RUNX2: variants seen among roughly 807,000 people sequenced by gnomAD.
RUNX2 encodes the protein RUNX family transcription factor 2.
A neutral mutation model predicts 51.7 loss-of-function variants in RUNX2; 10 were observed. The ratio of observed to expected loss-of-function variants is 0.19; its 90% CI spans 0.12 to 0.33. RUNX2 has a LOEUF of 0.33. Ranked by LOEUF, RUNX2 falls within the 10% of genes least tolerant of loss-of-function variation. The pLI, the probability that RUNX2 is intolerant of heterozygous loss-of-function variation, is 1.00. For missense variants in RUNX2, 562 were observed against 691.3 expected (o/e 0.81, Z 2.10); for synonymous variants, 276 against 273.6 (o/e 1.01, Z -0.09).
intron 2 of RUNX2, among the ~76,000 whole-genome samples, chr6:45,419,916 G>A (rs1798143274): frequency 6.6e-6 from 1 of 152,132 alleles, no homozygotes; most frequent in Admixed American, 6.5e-5. Flanking sequence ...CGGCGGCTGT[G>A]GGGCGGGAGG....
chr6:45,501,956 A>T (rs1800811010), intron 6 of RUNX2, among the ~76,000 whole-genome samples: 1 of 152,216 alleles, frequency 6.6e-6, no homozygotes, highest in South Asian at 2.1e-4. Flanking sequence ...TGTAAAACCT[A>T]GTGTATTTTG....
In RUNX2 at chr6:45,547,612, A is replaced by G. The variant is rs935840260; in HGVS notation, c.*307A>G. On this transcript the variant is annotated 3_prime_UTR_variant, in exon 9 of 9. Coordinates refer to ENST00000647337, the MANE Select transcript of RUNX2 (RefSeq NM_001024630.4). ...TTTTGTTTTTGTTGTTTGGTCTGTTATCATCAATAACCTGTTCATATGCCA... is the reference window on the plus strand; with the variant it reads ...TTTTGTTTTTGTTGTTTGGTCTGTTGTCATCAATAACCTGTTCATATGCCA... 2.5e-6 allele frequency: 1 copy of G among 404,772 alleles called. No individual in the cohort carries two copies. The highest frequency in any genetic ancestry group is 4.6e-6 in the Non-Finnish European group (1 of 215,580). The allele number at this position is 404,772 out of a possible 1,614,324, so 25.1% of individuals were successfully genotyped here.
chr6:45,380,103 G>A (rs1280958011), intron 2 of RUNX2, among the ~76,000 whole-genome samples: 1 of 152,174 alleles, frequency 6.6e-6, no homozygotes, highest in Admixed American at 6.5e-5. Context: ...CTCATAGTTT[G>A]AGACCATTGC....
At chr6:45,366,771 C>T (rs1372657888) in intron 2 of RUNX2, among the ~76,000 whole-genome samples, 1 of 152,158 alleles carries the variant, frequency 6.6e-6, no homozygotes, top group East Asian at 1.9e-4. Context: ...CCTTTGACTC[C>T]TTCTCCTGCA....
intron 2 of RUNX2, among the ~76,000 whole-genome samples, chr6:45,372,684 GGT>G (rs1163369246): frequency 6.6e-6 from 1 of 151,920 alleles, no homozygotes; most frequent in African/African-American, 2.4e-5. Flanking sequence ...TTTGAGACAG[GGT>G]CTCTCTCTGT....
chr6:45,534,051 C>T (rs901028811), intron 7 of RUNX2, among the ~76,000 whole-genome samples: 4 of 151,908 alleles, frequency 2.6e-5, no homozygotes, highest in African/African-American at 7.3e-5. Flanking sequence ...CCCGCCATCA[C>T]GCCTGGCTAA....
At chr6:45,414,754 C>CTTTTTGTTTTTTTTTTT (rs1798026585) in intron 2 of RUNX2, among the ~76,000 whole-genome samples, 1 of 33,424 alleles carries the variant, frequency 3.0e-5, no homozygotes, top group Admixed American at 6.3e-4. Flanking sequence ...CAGATCCTGG[C>CTTTTTGTTTTTTTTTTT]TTTTTTTTTT....
intron 2 of RUNX2, among the ~76,000 whole-genome samples, chr6:45,355,379 TA>T (rs1456034055): frequency 2.6e-5 from 4 of 152,060 alleles, no homozygotes; most frequent in South Asian, 2.1e-4. Flanking sequence ...TGAGGAAGTA[TA>T]AAAAATACTT....
intron 7 of RUNX2, among the ~76,000 whole-genome samples, 164 bp downstream of exon 7, chr6:45,512,571 A>C (rs936201030): frequency 1.3e-5 from 2 of 152,194 alleles, no homozygotes; most frequent in Admixed American, 1.3e-4. Context: ...TGGGGTTATC[A>C]AACACTGGAA....
chr6:45,432,995 C>G (rs1451557109), intron 4 of RUNX2, among the ~76,000 whole-genome samples: 1 of 152,096 alleles, frequency 6.6e-6, no homozygotes, highest in East Asian at 1.9e-4. Flanking sequence ...CTTTTTAAAC[C>G]ATGTCTAATA....
chr6:45,532,296 G>A (rs1269488365), intron 7 of RUNX2, among the ~76,000 whole-genome samples: 3 of 150,684 alleles, frequency 2.0e-5, no homozygotes, highest in African/African-American at 7.3e-5. Context: ...ATTTTTGAAG[G>A]TATTTTTGGA....
chr6:45,457,590 A>G (rs1324437300), intron 5 of RUNX2, among the ~76,000 whole-genome samples: 1 of 152,228 alleles, frequency 6.6e-6, no homozygotes, highest in Admixed American at 6.5e-5. Flanking sequence ...TTCTTGGCAC[A>G]TGCTTTGCCT....
At chr6:45,370,842 T>A (rs1795939421) in intron 2 of RUNX2, among the ~76,000 whole-genome samples, 1 of 152,116 alleles carries the variant, frequency 6.6e-6, no homozygotes, top group South Asian at 2.1e-4. Flanking sequence ...TAGCATATCC[T>A]CCTTCTTTAG....
intron 2 of RUNX2, among the ~76,000 whole-genome samples, chr6:45,335,956 G>A (rs1788464758): frequency 6.6e-6 from 1 of 151,164 alleles, no homozygotes; most frequent in Non-Finnish European, 1.5e-5. Flanking sequence ...AATGCCTATG[G>A]AGATACTACT....
chr6:45,330,113 T>C (rs757621490), intron 2 of RUNX2, among the ~76,000 whole-genome samples: 25 of 151,824 alleles, frequency 1.6e-4, no homozygotes, highest in Non-Finnish European at 3.2e-4. Context: ...TACTTTGTAT[T>C]TTACAAAAAA....
chr6:45,379,929 T>A (rs1455433205), intron 2 of RUNX2, among the ~76,000 whole-genome samples: 4 of 151,964 alleles, frequency 2.6e-5, no homozygotes, highest in African/African-American at 9.7e-5. Context: ...GAAGGGAAAC[T>A]GAGTTAAGGC....
At chr6:45,445,677 C>T (rs766804790) in intron 5 of RUNX2, among the ~76,000 whole-genome samples, 32 of 152,278 alleles carry the variant, frequency 2.1e-4, no homozygotes, top group Non-Finnish European at 3.2e-4. Flanking sequence ...TACAAGTTGG[C>T]AAATACAAGC....
At chr6:45,454,499 A>C (rs1048339643) in intron 5 of RUNX2, among the ~76,000 whole-genome samples, 2 of 152,182 alleles carry the variant, frequency 1.3e-5, no homozygotes, top group African/African-American at 4.8e-5. Flanking sequence ...ACTCAACAGG[A>C]TGAGTCATCT....
chr6:45,382,337 A>G (rs2150342949), intron 2 of RUNX2, among the ~76,000 whole-genome samples: 1 of 152,334 alleles, frequency 6.6e-6, no homozygotes. Context: ...TACCTAAATT[A>G]TATAGTATGT....
Sources: gnomAD v4.1 joint callset for allele counts (sites outside exome capture counted in the v4.1 genomes callset) on GRCh38, gnomAD v4.1.1 for gene constraint, MANE v1.5 for transcripts, NCBI Gene and HGNC (gene_info 2026-07-23, HGNC 2026-07-21) for gene names.